BCL2L13: variants seen among roughly 807,000 people sequenced by gnomAD.
BCL2L13 encodes the protein BCL2 like 13.
In BCL2L13, 13 loss-of-function variants were observed where a neutral mutation model predicts 25.8. That is an observed-to-expected ratio of 0.50 (90% confidence interval 0.33 to 0.80). BCL2L13 has a LOEUF of 0.80. Among genes scored for constraint, BCL2L13 ranks in the 30% least tolerant of loss-of-function variants. The probability of loss-of-function intolerance (pLI) is 0.02; values close to 1 mark genes in which losing one functional copy is unlikely to be tolerated. For synonymous variants in BCL2L13, 244 were observed against 230.3 expected (o/e 1.06, Z -0.54); for missense variants, 504 against 574.9 (o/e 0.88, Z 1.26).
intron 2 of BCL2L13, among the ~76,000 whole-genome samples, chr22:17,680,366 G>A (rs1239280580): frequency 1.3e-5 from 2 of 150,836 alleles, no homozygotes; most frequent in East Asian, 3.9e-4. Flanking sequence ...AAAAATTAGC[G>A]GGGAATGGTG....
chr22:17,694,507 A>T (rs984355285), intron 4 of BCL2L13, among the ~76,000 whole-genome samples: 4 of 130,208 alleles, frequency 3.1e-5, no homozygotes, highest in African/African-American at 1.5e-4. Context: ...GACTCCATTT[A>T]AAAAAAAAAA....
At chr22:17,656,739 G>A (rs903415621) in intron 2 of BCL2L13, among the ~76,000 whole-genome samples, 1 of 152,034 alleles carries the variant, frequency 6.6e-6, no homozygotes, top group Non-Finnish European at 1.5e-5. Flanking sequence ...TTAGTCTATT[G>A]TGTTATACTT....
chr22:17,686,051 C>G (rs776437999), intron 3 of BCL2L13, among the ~76,000 whole-genome samples: 4 of 151,762 alleles, frequency 2.6e-5, no homozygotes, highest in Non-Finnish European at 5.9e-5. Context: ...GGATTACAGG[C>G]GTGAGCCACC....
chr22:17,649,871 C>CTTTTTT (rs71201855), intron 1 of BCL2L13, among the ~76,000 whole-genome samples: 6 of 94,376 alleles, frequency 6.4e-5, no homozygotes, highest in Non-Finnish European at 8.4e-5. Context: ...TTTTTCTTTT[C>CTTTTTT]TTTTTTTTTT....
chr22:17,635,901 G>A (rs2058096155), upstream of BCL2L13, among the ~76,000 whole-genome samples: 1 of 151,816 alleles, frequency 6.6e-6, no homozygotes. Context: ...AGTAGAGACG[G>A]GGTTTCACTG....
At chr22:17,641,801 T>G (rs12169740) in intron 1 of BCL2L13, among the ~76,000 whole-genome samples, 21,095 of 114,294 alleles carry the variant, frequency 0.18, 1,710 homozygotes, top group African/African-American at 0.27. Context: ...AATATGTGTT[T>G]TTTTTTTTTT....
At chr22:17,642,974 G>T (rs2058345212) in intron 1 of BCL2L13, among the ~76,000 whole-genome samples, 1 of 152,174 alleles carries the variant, frequency 6.6e-6, no homozygotes, top group African/African-American at 2.4e-5. Context: ...ATATCTGGAA[G>T]TGGAACAGAG....
intron 3 of BCL2L13, chr22:17,684,713 G>A (rs1353398519): frequency 3.7e-5 from 14 of 379,444 alleles, no homozygotes; most frequent in Non-Finnish European, 6.2e-5. Context: ...ACAGGTATGT[G>A]CCACCAAACC....
chr22:17,645,342 C>T (rs1180981184), intron 1 of BCL2L13, among the ~76,000 whole-genome samples: 1 of 149,122 alleles, frequency 6.7e-6, no homozygotes, highest in Non-Finnish European at 1.5e-5. Flanking sequence ...ATGCCTCAGC[C>T]TCCTGAGTAG....
chr22:17,696,713 A>G (rs1208885087), intron 5 of BCL2L13, among the ~76,000 whole-genome samples: 2 of 152,214 alleles, frequency 1.3e-5, no homozygotes, highest in Non-Finnish European at 2.9e-5. Context: ...CTAGTTAGGT[A>G]GGTAATCAGA....
In BCL2L13 at chr22:17,652,091, G is replaced by C. The variant is rs140226645; in HGVS notation, c.-50-3571G>C. On this transcript the variant is annotated intron_variant, in intron 1 of 6. Transcript: ENST00000317582. ...CAGATGCTCCTCAACTTATGGTGGG[G>C]TTACATTCTGAGAAACTCATCATAG... Among the ~76,000 whole-genome samples the C allele has an allele frequency of 1.7e-3, 261 of 152,282 alleles. 1 individual carries two copies. In the East Asian group the frequency reaches 0.026, roughly 15 times the overall value.
intron 4 of BCL2L13, among the ~76,000 whole-genome samples, chr22:17,689,515 G>T (rs1038859379): frequency 1.3e-5 from 2 of 152,116 alleles, no homozygotes; most frequent in African/African-American, 4.8e-5. Context: ...TGTAATGTGG[G>T]ATTAACATTA....
intron 1 of BCL2L13, among the ~76,000 whole-genome samples, chr22:17,632,659 T>C (rs2058048071): frequency 6.6e-6 from 1 of 152,138 alleles, no homozygotes; most frequent in Admixed American, 6.6e-5. Flanking sequence ...AAATTGTTTC[T>C]GAAATTAATA....
intron 1 of BCL2L13, among the ~76,000 whole-genome samples, chr22:17,646,205 A>G (rs1339148996): frequency 2.0e-5 from 3 of 151,546 alleles, no homozygotes; most frequent in East Asian, 1.9e-4. Flanking sequence ...TGGGTTACAT[A>G]TTATGTTTAA....
At chr22:17,715,158 ATATATATATATATTTTTTTTTTTTT>A (rs2060901923) in intron 6 of BCL2L13, among the ~76,000 whole-genome samples, 1 of 5,430 alleles carries the variant, frequency 1.8e-4, no homozygotes, top group Non-Finnish European at 3.0e-4. Flanking sequence ...ATATATATAT[ATATATATATATATTTTTTTTTTTTT>A]TTTTTTTTTT....
At chr22:17,721,910 T>C (rs1223477602) in intron 6 of BCL2L13, among the ~76,000 whole-genome samples, 1 of 152,140 alleles carries the variant, frequency 6.6e-6, no homozygotes, top group Non-Finnish European at 1.5e-5. Context: ...TCTGCCCTGC[T>C]CGGCCTCCCA....
chr22:17,663,511 T>C (rs1163486452), intron 2 of BCL2L13, among the ~76,000 whole-genome samples: 2 of 152,162 alleles, frequency 1.3e-5, no homozygotes, highest in African/African-American at 2.4e-5. Context: ...TTTTCTTTTA[T>C]TGTTTTCTAA....
chr22:17,727,147 A>T lies in BCL2L13; in HGVS notation c.1071A>T (p.Thr357=). The change falls in exon 7 of 7, where the codon ACA becomes ACT. Residue 357 remains threonine (T), a synonymous_variant. Coordinates refer to ENST00000317582, the MANE Select transcript of BCL2L13 (RefSeq NM_015367.4). ...PHITATSLLG[T]REPDTEVITV... is the part of the protein sequence containing the mutation. Reference sequence around the variant, plus strand: ...TCACTGCCACCTCCCTGCTGGGGACAAGGGAACCTGACACAGAAGTGATCA... The same window carrying T: ...TCACTGCCACCTCCCTGCTGGGGACTAGGGAACCTGACACAGAAGTGATCA... The T allele has an allele frequency of 1.2e-6, 2 of 1,614,210 alleles. No homozygotes were observed.
Position 17,655,627 on chromosome 22 carries a change from A to C in BCL2L13, c.-50-35A>C, listed in dbSNP as rs534532018. ...CAACTGTTAAAGTGGCATGTAATAA[A>C]CTTTAAACTGAAAAAATTACTTTTT... On this transcript the variant is annotated intron_variant, in intron 1 of 6. Transcript: ENST00000317582. 5 of 1,518,824 alleles carry C rather than the reference A, an allele frequency of 3.3e-6. No homozygotes were observed. In the African/African-American group the frequency reaches 7.0e-5, roughly 21 times the overall value. The allele number at this position is 1,518,824 out of a possible 1,614,324, so 94.1% of individuals were successfully genotyped here. A position where few individuals can be genotyped will look rare whatever the true frequency, so the allele number is the denominator to read the frequency against.
Sources: allele counts gnomAD v4.1 joint callset (sites outside exome capture counted in the v4.1 genomes callset), GRCh38; gene constraint gnomAD v4.1.1; transcripts MANE v1.5; gene names NCBI Gene and HGNC (gene_info 2026-07-23, HGNC 2026-07-21).